The following ANKS1B variants were observed in gnomAD, a reference collection of about 807,000 sequenced individuals.
ANKS1B encodes ankyrin repeat and sterile alpha motif domain containing 1B.
Under a neutral mutation model 148.3 loss-of-function variants are expected in ANKS1B, and 36 were observed. The ratio of observed to expected loss-of-function variants is 0.24; its 90% CI spans 0.19 to 0.32. ANKS1B has a LOEUF of 0.32. Ranked by LOEUF, ANKS1B falls within the 10% of genes least tolerant of loss-of-function variation. ANKS1B has a pLI of 1.00. For missense variants in ANKS1B, 1,157 were observed against 1,542.6 expected (o/e 0.75, Z 4.19); for synonymous variants, 542 against 560.8 (o/e 0.97, Z 0.47).
At chr12:99,111,403 G>A (rs1010150693) in intron 15 of ANKS1B, among the ~76,000 whole-genome samples, 1 of 152,108 alleles carries the variant, frequency 6.6e-6, no homozygotes, top group African/African-American at 2.4e-5. Flanking sequence ...GGATACTTTT[G>A]TTAGTGTCCT....
intron 1 of ANKS1B, among the ~76,000 whole-genome samples, chr12:99,949,143 T>C (rs1203518049): frequency 6.6e-6 from 1 of 152,150 alleles, no homozygotes. Flanking sequence ...ACCAAGTATA[T>C]TGTAGGGTAC....
At chr12:99,931,307 G>A (rs1018427764) in intron 1 of ANKS1B, among the ~76,000 whole-genome samples, 2 of 151,810 alleles carry the variant, frequency 1.3e-5, no homozygotes, top group South Asian at 2.1e-4. Context: ...AAACCTGCAC[G>A]TTGTGCACAT....
At chr12:98,799,643 C>T (rs990271523) in intron 21 of ANKS1B, among the ~76,000 whole-genome samples, 5 of 152,008 alleles carry the variant, frequency 3.3e-5, no homozygotes, top group African/African-American at 1.2e-4. Flanking sequence ...ATGACAGTCT[C>T]CCAAGAATTG....
chr12:98,835,384 T>C (rs1250581660), intron 17 of ANKS1B, among the ~76,000 whole-genome samples: 1 of 152,202 alleles, frequency 6.6e-6, no homozygotes, highest in Non-Finnish European at 1.5e-5. Flanking sequence ...GTGTGCTTAT[T>C]CCAGTGAATG....
intron 2 of ANKS1B, among the ~76,000 whole-genome samples, chr12:99,819,333 A>T (rs981418479): frequency 6.6e-6 from 1 of 151,902 alleles, no homozygotes; most frequent in South Asian, 2.1e-4. Context: ...CCAGGAAAAA[A>T]AGCAAGATGA....
At chr12:99,782,402 T>G (rs1054169581) in intron 4 of ANKS1B, among the ~76,000 whole-genome samples, 18 of 151,988 alleles carry the variant, frequency 1.2e-4, no homozygotes, top group African/African-American at 4.1e-4. Flanking sequence ...TCTACTAAAA[T>G]ACAAAAATTA....
intron 9 of ANKS1B, among the ~76,000 whole-genome samples, chr12:99,602,936 G>A (rs1604179): frequency 0.43 from 65,437 of 151,816 alleles, 14,329 homozygotes; most frequent in South Asian, 0.47. Context: ...CTCTCTATAC[G>A]CACTTTCATT....
chr12:99,890,316 T>C (rs1387354479), intron 1 of ANKS1B, among the ~76,000 whole-genome samples: 1 of 152,128 alleles, frequency 6.6e-6, no homozygotes, highest in Non-Finnish European at 1.5e-5. Context: ...GCTCATACAA[T>C]CAGTCAAAAT....
chr12:99,760,574 C>T (rs1265841084), intron 8 of ANKS1B, among the ~76,000 whole-genome samples: 1 of 151,632 alleles, frequency 6.6e-6, no homozygotes, highest in Non-Finnish European at 1.5e-5. Context: ...GTCTATAGTG[C>T]TAAATGCCTA....
At chr12:99,925,301 T>C (rs2094456241) in intron 1 of ANKS1B, among the ~76,000 whole-genome samples, 1 of 152,164 alleles carries the variant, frequency 6.6e-6, no homozygotes, top group African/African-American at 2.4e-5. Context: ...TAATAGCCTT[T>C]GGCCAGATGA....
chr12:99,062,281 C>T (rs1017267589), intron 16 of ANKS1B, among the ~76,000 whole-genome samples: 1 of 152,154 alleles, frequency 6.6e-6, no homozygotes, highest in Non-Finnish European at 1.5e-5. Context: ...AATGAAACTA[C>T]ACAAGGAGAA....
rs17029329 is a variant in ANKS1B at position 99,391,368 on chromosome 12, G to C, written c.1756+8263C>G. ...TTTTACTCGCTTTGCAGCTTCAACT[G>C]CTGTCATTTCTCTCCTTTCTCTCTG... On this transcript the variant is annotated intron_variant, in intron 12 of 26. Transcript: ENST00000683438. Among the ~76,000 whole-genome samples the C allele has an allele frequency of 3.7e-3, 565 of 152,204 alleles. 34 individuals are homozygous for C. In the East Asian group the frequency reaches 0.086, roughly 23 times the overall value.
At chr12:99,434,395 A>G (rs2152761005) in intron 11 of ANKS1B, among the ~76,000 whole-genome samples, 1 of 152,228 alleles carries the variant, frequency 6.6e-6, no homozygotes, top group African/African-American at 2.4e-5. Context: ...AGCTTTACAG[A>G]CCAATACATA....
intron 9 of ANKS1B, among the ~76,000 whole-genome samples, chr12:99,566,536 T>C (rs1486891207): frequency 6.6e-6 from 1 of 152,192 alleles, no homozygotes; most frequent in Non-Finnish European, 1.5e-5. Context: ...TTTCATGTGT[T>C]AGAAACTTAA....
At chr12:99,464,020 A>G (rs1483613070) in intron 10 of ANKS1B, among the ~76,000 whole-genome samples, 1 of 152,188 alleles carries the variant, frequency 6.6e-6, no homozygotes, top group East Asian at 1.9e-4. Context: ...ACCCCCAAGC[A>G]GCCTAATTGG....
chr12:99,327,720 T>A (rs904203944), intron 12 of ANKS1B, among the ~76,000 whole-genome samples: 1 of 150,594 alleles, frequency 6.6e-6, no homozygotes, highest in Non-Finnish European at 1.5e-5. Context: ...TTGTATATAT[T>A]TATATAATAG....
chr12:99,326,292 C>T (rs1053388119), intron 12 of ANKS1B, among the ~76,000 whole-genome samples: 1 of 151,838 alleles, frequency 6.6e-6, no homozygotes, highest in Non-Finnish European at 1.5e-5. Context: ...TCTGGAGGGT[C>T]AAAAAATGAC....
chr12:99,618,836 T>G (rs2098007658), intron 9 of ANKS1B, among the ~76,000 whole-genome samples: 1 of 152,134 alleles, frequency 6.6e-6, no homozygotes, highest in Admixed American at 6.5e-5. Context: ...CTCAGCAGCA[T>G]AGCCATGCAG....
chr12:99,393,056 T>A (rs571008740), intron 12 of ANKS1B, among the ~76,000 whole-genome samples: 1 of 152,114 alleles, frequency 6.6e-6, no homozygotes, highest in African/African-American at 2.4e-5. Flanking sequence ...TTCATCCAAA[T>A]ATATATGTAG....
Sources: gnomAD v4.1 joint callset for allele counts (sites outside exome capture counted in the v4.1 genomes callset) on GRCh38, gnomAD v4.1.1 for gene constraint, MANE v1.5 for transcripts, NCBI Gene and HGNC (gene_info 2026-07-23, HGNC 2026-07-21) for gene names.